LPP: variants seen among roughly 807,000 people sequenced by gnomAD.
LPP encodes the protein lipoma-preferred partner.
In LPP, 38 loss-of-function variants were observed where a neutral mutation model predicts 60.4. The ratio of observed to expected loss-of-function variants is 0.63; its 90% CI spans 0.49 to 0.83. The LOEUF (loss-of-function observed/expected upper bound fraction) is 0.83, where lower values mean the gene tolerates loss of function less well. LPP is among the 40% of genes least tolerant of loss of function. LPP has a pLI of 0.00. For missense variants in LPP, 902 were observed against 783.6 expected, an observed-to-expected ratio of 1.15 and a Z score of -1.80; for synonymous variants, 328 against 290.8, an observed-to-expected ratio of 1.13 and a Z score of -1.30.
At chr3:188,229,629 ACT>A (rs1315682942) in intron 2 of LPP, among the ~76,000 whole-genome samples, 1 of 151,936 alleles carries the variant, frequency 6.6e-6, no homozygotes, top group African/African-American at 2.4e-5. Context: ...GTCCCCTGAA[ACT>A]CTATGGTTCT....
chr3:188,246,698 G>C (rs1560152734), intron 2 of LPP, among the ~76,000 whole-genome samples: 1 of 152,142 alleles, frequency 6.6e-6, no homozygotes, highest in Non-Finnish European at 1.5e-5. Context: ...ATCTGACATA[G>C]ATGAGACACA....
At position 188,610,133 on chromosome 3, in the gene LPP, AAG is replaced by A. The variant is rs1211383795; in HGVS notation, c.1113+293_1113+294del. Among the ~76,000 whole-genome samples, 9 of 152,214 alleles carry A rather than the reference AAG, an allele frequency of 5.9e-5. No individual in the cohort carries two copies. The highest frequency in any genetic ancestry group is 1.0e-4 in the Non-Finnish European group (7 of 68,048). On this transcript the variant is annotated intron_variant, in intron 7 of 11. Transcript: ENST00000617246. This position sits in a 1 kb window ranked among gnomAD's most constrained non-coding sequence, Gnocchi z 4.4. ...TGAGGACAAAGTGTTCTGATGGAGA[AAG>A]AGAAAATAATTTATTTTTCACATCC...
At chr3:188,503,481 T>A (rs1237283993) in intron 5 of LPP, among the ~76,000 whole-genome samples, 1 of 152,168 alleles carries the variant, frequency 6.6e-6, no homozygotes, top group East Asian at 1.9e-4. Context: ...ACAATGATGT[T>A]AGCTCTTATA....
At chr3:188,226,339 C>T (rs1400658912) in intron 2 of LPP, among the ~76,000 whole-genome samples, 1 of 152,126 alleles carries the variant, frequency 6.6e-6, no homozygotes. Flanking sequence ...CCCTTTGGGG[C>T]AGAGCAGGCT....
In LPP at chr3:188,524,654, G is replaced by A; in HGVS notation, c.307-11G>A. ...TTTCCTTTGTTAACATGTCTGTGTT[G>A]CTTCCAACAGGGGAATCCCGGAGGC... On this transcript the variant is annotated splice_polypyrimidine_tract_variant and intron_variant, in intron 5 of 11. Transcript: ENST00000617246. 6.2e-7 allele frequency: 1 copy of A among 1,611,222 alleles called. No individual in the cohort carries two copies. The highest frequency in any genetic ancestry group is 8.5e-7 in the Non-Finnish European group (1 of 1,178,752).
intron 2 of LPP, among the ~76,000 whole-genome samples, chr3:188,289,367 T>A (rs1745172126): frequency 6.6e-6 from 1 of 152,222 alleles, no homozygotes; most frequent in Non-Finnish European, 1.5e-5. Flanking sequence ...ACAGGAACTC[T>A]AGTAGGATTT....
intron 5 of LPP, among the ~76,000 whole-genome samples, chr3:188,509,626 C>CTTCCTTCCTTCA (rs1814628396): frequency 2.9e-5 from 1 of 34,834 alleles, no homozygotes; most frequent in African/African-American, 1.2e-4. Flanking sequence ...TTTTTGTCCC[C>CTTCCTTCCTTCA]TTCCTTCCTT....
intron 2 of LPP, among the ~76,000 whole-genome samples, chr3:188,252,170 C>CATATATATATATATATAT (rs10609191): frequency 6.9e-5 from 7 of 101,902 alleles, no homozygotes; most frequent in South Asian, 3.5e-4. Flanking sequence ...CTTCCCCAAA[C>CATATATATATATATATAT]ATATATATAT....
chr3:188,710,196 A>G (rs1406605756), intron 8 of LPP: 1 of 152,218 alleles, frequency 6.6e-6, no homozygotes, highest in Non-Finnish European at 1.5e-5. Flanking sequence ...CCAGTCCAAA[A>G]ACACACAGTA....
intron 3 of LPP, among the ~76,000 whole-genome samples, chr3:188,384,832 A>C (rs554869995): frequency 1.4e-5 from 2 of 145,844 alleles, no homozygotes; most frequent in African/African-American, 2.5e-5. Flanking sequence ...AAAATTTCAG[A>C]AGTCCCGGAG....
In LPP at chr3:188,704,176, T is replaced by C. The variant is rs539002517; in HGVS notation, c.1114-4091T>C. Among the ~76,000 whole-genome samples the C allele has an allele frequency of 9.2e-5, 14 of 152,292 alleles. No homozygotes were observed. In the East Asian group the frequency reaches 2.7e-3, roughly 29 times the overall value. The stretch of plus-strand genomic sequence containing the variant: ...CCATATTTTGGGCTCAAGGTCTCCC[T>C]GTATTGCAAGCCTGGAGAAAAGGTG... On this transcript the variant is annotated intron_variant, in intron 7 of 11. Transcript: ENST00000617246.
At position 188,882,421 on chromosome 3, in the gene LPP, G is replaced by A. The variant is rs1308008565; in HGVS notation, c.*7942G>A. On this transcript the variant is annotated 3_prime_UTR_variant, in exon 12 of 12. Coordinates refer to ENST00000617246, the MANE Select transcript of LPP (RefSeq NM_001375462.1). The stretch of plus-strand genomic sequence containing the variant: ...GAAAAAGGCATAGAGGAAGCCTGAG[G>A]AAGTATTTACTTGCTTTTCCCATCT... 4.4e-6 allele frequency: 1 copy of A among 226,992 alleles called. No homozygotes were observed. Among genetic ancestry groups the A allele is most frequent in the Non-Finnish European group, 8.8e-6 (1 of 114,216 alleles). 14.1% of individuals were successfully genotyped at this position (226,992 alleles called of 1,614,324 possible).
chr3:188,528,462 T>C (rs1189894533), intron 6 of LPP, among the ~76,000 whole-genome samples: 2 of 152,200 alleles, frequency 1.3e-5, no homozygotes, highest in Non-Finnish European at 2.9e-5. Flanking sequence ...ACCTTTATTC[T>C]TGAAGGTTGT....
intron 9 of LPP, among the ~76,000 whole-genome samples, chr3:188,825,196 C>G (rs939869): frequency 9.0e-4 from 136 of 151,674 alleles, no homozygotes; most frequent in Middle Eastern, 6.8e-3. Context: ...AGAATAGTGA[C>G]CATCTGTGCT....
At chr3:188,766,087 G>T (rs1015080163) in intron 9 of LPP, among the ~76,000 whole-genome samples, 3 of 151,438 alleles carry the variant, frequency 2.0e-5, no homozygotes, top group Non-Finnish European at 4.4e-5. Context: ...GGCCAGGCTG[G>T]TCTCAAACTC....
chr3:188,592,505 A>C (rs921699912), intron 6 of LPP, among the ~76,000 whole-genome samples: 1 of 147,532 alleles, frequency 6.8e-6, no homozygotes, highest in Non-Finnish European at 1.5e-5. Flanking sequence ...TAACCTTGTT[A>C]TTACTTCTCA....
At chr3:188,756,180 G>A (rs769589189) in intron 8 of LPP, among the ~76,000 whole-genome samples, 7 of 152,166 alleles carry the variant, frequency 4.6e-5, no homozygotes, top group Non-Finnish European at 8.8e-5. Flanking sequence ...GAGCAGAGGT[G>A]AAGGATAAGA....
chr3:188,850,728 G>T (rs1314162964), intron 9 of LPP, among the ~76,000 whole-genome samples: 1 of 152,094 alleles, frequency 6.6e-6, no homozygotes, highest in Non-Finnish European at 1.5e-5. Flanking sequence ...TGAAATCTTG[G>T]ACTGCATTCA....
intron 6 of LPP, among the ~76,000 whole-genome samples, chr3:188,607,878 TAC>T (rs1842835049): frequency 6.6e-6 from 1 of 152,220 alleles, no homozygotes; most frequent in Admixed American, 6.5e-5. Flanking sequence ...CATCTATAAA[TAC>T]AGATATGCAA....
Sources: allele counts gnomAD v4.1 joint callset (sites outside exome capture counted in the v4.1 genomes callset), GRCh38; gene constraint gnomAD v4.1.1; non-coding constraint Gnocchi (gnomAD v3.1); transcripts MANE v1.5; gene names NCBI Gene and HGNC (gene_info 2026-07-23, HGNC 2026-07-21).